The following SCNN1A variants were observed in gnomAD, a reference collection of about 807,000 sequenced individuals.
The protein encoded by SCNN1A is epithelial sodium channel subunit alpha.
SCNN1A carries 65 observed loss-of-function variants against 68.6 expected under a neutral mutation model. That is an observed-to-expected ratio of 0.95 (90% CI 0.78 to 1.16). SCNN1A has a LOEUF of 1.16. Ranked by LOEUF, SCNN1A falls within the 50% of genes most tolerant of loss-of-function variation. The pLI is 0.00. For synonymous variants in SCNN1A, 357 were observed against 353.3 expected (o/e 1.01, Z -0.12); for missense variants, 880 against 865.9 (o/e 1.02, Z -0.20).
chr12:6,354,409 G>A (rs1386140862), intron 8 of SCNN1A, 29 bp downstream of exon 8: 1 of 1,479,264 alleles, frequency 6.8e-7, no homozygotes, highest in Non-Finnish European at 9.4e-7. Context: ...GGGTCAGTGG[G>A]GCAGGGTGGG....
intron 4 of SCNN1A, among the ~76,000 whole-genome samples, chr12:6,357,173 C>G (rs1299607929): frequency 6.6e-6 from 1 of 152,082 alleles, no homozygotes; most frequent in Non-Finnish European, 1.5e-5. Context: ...GCCCTTCGCA[C>G]ACAGAGAGGG....
In SCNN1A at chr12:6,374,737, G is replaced by A. The variant is rs1335280234; in HGVS notation, c.47C>T (p.Ser16Phe). The part of the protein sequence containing the change: ...LEEQDSSPPQ[S>F]TPGLMKGNKR... ...GTTCCCCTTCATGAGCCCTGGAGTG[G>A]ACTGTGGAGGGCTAGAGTCCTGCTC... The change falls in exon 2 of 13, where the codon TCC becomes TTC. Residue 16 changes from serine (S) to phenylalanine (F), a missense_variant. This residue lies in a region of SCNN1A where 77 missense variants were observed against 67.4 expected (regional missense o/e 1.14). Transcript: ENST00000228916. The surrounding 1 kb of genome is among the most constrained non-coding windows in gnomAD (Gnocchi z 6.2). 6.2e-7 allele frequency: 1 copy of A among 1,614,048 alleles called. No homozygotes were observed. The highest frequency in any genetic ancestry group is 8.5e-7 in the Non-Finnish European group (1 of 1,180,038).
At position 6,355,340 on chromosome 12, in the gene SCNN1A, G is replaced by T. The variant is rs767336946; in HGVS notation, c.1075C>A (p.Pro359Thr). 3.7e-6 allele frequency: 6 copies of T among 1,613,958 alleles called. No individual in the cohort carries two copies. In the East Asian group the frequency reaches 1.1e-4, roughly 30 times the overall value. Residue 359 changes from proline to threonine, a missense_variant, in exon 6 of 13, where the codon CCT becomes ACT. Pro to Thr is a conservative substitution (Grantham distance 38). This residue lies in a region of SCNN1A where 758 missense variants were observed against 721.8 expected (regional missense o/e 1.05). Transcript: ENST00000228916. ...ARVMVHGQDE[P>T]AFMDDGGFNL... ...AAGCCACCATCATCCATAAAGGCAG[G>T]TTCATCCTGCCCGTGCACCATTACC...
Position 6,348,118 on chromosome 12 carries a change from G to A in SCNN1A, c.1765C>T (p.Arg589Ter). The A allele has an allele frequency of 4.3e-6, 7 of 1,614,126 alleles. No individual in the cohort carries two copies. The highest frequency in any genetic ancestry group is 2.2e-5 in the South Asian group (2 of 91,086). The change falls in exon 13 of 13, where the codon CGA becomes TGA. Residue 589 changes from arginine (R) to a stop codon, truncating the protein, a stop_gained. Transcript: ENST00000228916. LOFTEE classifies it low-confidence loss of function (END_TRUNC). ...CGGCCTGGAGACCAGTATCGGCTTC[G>A]GAACCTTCGGAGCAGCATGAGGAAC... The part of the protein sequence containing the change: ...IMFLMLLRRF[R>*]SRYWSPGRGG...
intron 4 of SCNN1A, 46 bp downstream of exon 4, chr12:6,362,005 G>T (rs1324433487): frequency 6.2e-7 from 1 of 1,600,576 alleles, no homozygotes; most frequent in East Asian, 2.2e-5. Context: ...CTGACCCAGG[G>T]AAGCGGACCC....
At chr12:6,366,890 T>A (rs1018486778) in intron 2 of SCNN1A, among the ~76,000 whole-genome samples, 2 of 151,960 alleles carry the variant, frequency 1.3e-5, no homozygotes, top group Admixed American at 6.6e-5. Flanking sequence ...CTCAAAGGTG[T>A]GTTGAAGGTG....
intron 2 of SCNN1A, among the ~76,000 whole-genome samples, chr12:6,367,666 A>T (rs1245733999): frequency 6.6e-6 from 1 of 152,230 alleles, no homozygotes; most frequent in African/African-American, 2.4e-5. Context: ...GGGAGTGTTC[A>T]ACATCTCGAC....
intron 4 of SCNN1A, among the ~76,000 whole-genome samples, chr12:6,360,163 A>G (rs1286635962): frequency 2.0e-5 from 3 of 152,262 alleles, no homozygotes; most frequent in Admixed American, 1.3e-4. Context: ...TGAAGTACAA[A>G]GGTTCCTGTA....
intron 3 of SCNN1A, among the ~76,000 whole-genome samples, chr12:6,362,808 T>C (rs1471582592): frequency 6.6e-6 from 1 of 150,560 alleles, no homozygotes; most frequent in Non-Finnish European, 1.5e-5. Context: ...GCCTCCTAAG[T>C]AGCTGGAACT....
At chr12:6,352,442 G>C (rs1948404014) in intron 8 of SCNN1A, among the ~76,000 whole-genome samples, 1 of 152,298 alleles carries the variant, frequency 6.6e-6, no homozygotes, top group South Asian at 2.1e-4. Context: ...GTAAGCCCTA[G>C]GAAATGCAAC....
In SCNN1A at chr12:6,359,809, C is replaced by T. The variant is rs539827591; in HGVS notation, c.875+2242G>A. On this transcript the variant is annotated intron_variant, in intron 4 of 12. Transcript: ENST00000228916. ...TTTTTCAGATGGAGTCTTGCTCTGTCGCCCAGGCTGGAGTGCAGTGGTGCG... is the reference window on the plus strand; with the variant it reads ...TTTTTCAGATGGAGTCTTGCTCTGTTGCCCAGGCTGGAGTGCAGTGGTGCG... 4.0e-4 allele frequency among the ~76,000 whole-genome samples: 53 copies of T among 131,040 alleles called. 1 individual carries two copies. Among genetic ancestry groups the T allele is most frequent in the African/African-American group, 5.6e-4 (19 of 34,210 alleles). The allele number at this position is 131,040 out of a possible 152,430, so 86.0% of individuals were successfully genotyped here. A position where few individuals can be genotyped will look rare whatever the true frequency, so the allele number is the denominator to read the frequency against.
chr12:6,365,272 C>T (rs546405327), intron 2 of SCNN1A, among the ~76,000 whole-genome samples: 3 of 152,278 alleles, frequency 2.0e-5, no homozygotes, highest in African/African-American at 7.2e-5. Context: ...CAGCCTCAGC[C>T]TCCTAAAGTG....
chr12:6,374,806 G>A lies in SCNN1A; in HGVS notation c.-23C>T, dbSNP rs377074479. 1.9e-6 allele frequency: 3 copies of A among 1,614,020 alleles called. No individual in the cohort carries two copies. The highest frequency in any genetic ancestry group is 2.7e-5 in the African/African-American group (2 of 74,980). On this transcript the variant is annotated 5_prime_UTR_variant, in exon 2 of 13. Coordinates refer to ENST00000228916, the MANE Select transcript of SCNN1A (RefSeq NM_001038.6). The surrounding 1 kb of genome is among the most constrained non-coding windows in gnomAD (Gnocchi z 6.2). ...CATGAGACCTGGTATGGGCTGCAGA[G>A]GTCTAGGGTCCTGCTCCTCCAGCTT...
chr12:6,356,827 C>T (rs543632569), intron 4 of SCNN1A, among the ~76,000 whole-genome samples: 7 of 152,240 alleles, frequency 4.6e-5, no homozygotes, highest in Admixed American at 2.0e-4. Flanking sequence ...AAGGGGACTT[C>T]GGCCAGTGAG....
upstream of SCNN1A, among the ~76,000 whole-genome samples, chr12:6,376,683 A>G (rs1375858448): frequency 6.6e-6 from 1 of 152,228 alleles, no homozygotes; most frequent in Admixed American, 6.5e-5. Flanking sequence ...GGAGGGTCAG[A>G]GAATCAGACC....
intron 3 of SCNN1A, 101 bp from the exon 4 acceptor site, chr12:6,362,342 A>G: frequency 9.4e-7 from 1 of 1,066,224 alleles, no homozygotes. Context: ...CTGAGGACTG[A>G]CGGACAGGAG....
rs397850777 is a variant in SCNN1A, at chr12:6,369,833, C to CAAAA, written c.416+4531_416+4534dup. Among the ~76,000 whole-genome samples the CAAAA allele has an allele frequency of 2.1e-3, 192 of 93,594 alleles. 1 individual carries two copies. In the East Asian group the frequency reaches 0.024, roughly 12 times the overall value. 61.4% of individuals were successfully genotyped at this position (93,594 alleles called of 152,430 possible). A position where few individuals can be genotyped will look rare whatever the true frequency, so the allele number is the denominator to read the frequency against. On this transcript the variant is annotated intron_variant, in intron 2 of 12. Coordinates refer to ENST00000228916, the MANE Select transcript of SCNN1A (RefSeq NM_001038.6). ...TGGGCAACAGTGCAAGACTCTGTCT[C>CAAAA]AAAAAAAAAAAAAAAAAAAAAATCT...
intron 2 of SCNN1A, among the ~76,000 whole-genome samples, chr12:6,369,298 C>G (rs547461750): frequency 5.1e-5 from 7 of 137,146 alleles, no homozygotes; most frequent in Non-Finnish European, 1.0e-4. Flanking sequence ...CCCTACTCAC[C>G]TCCCTCCTGC....
intron 3 of SCNN1A, 132 bp from the exon 4 acceptor site, chr12:6,362,373 A>T: frequency 2.5e-6 from 2 of 807,070 alleles, no homozygotes; most frequent in Non-Finnish European, 4.3e-6. Context: ...GGAGTGGGGA[A>T]AGACAGAAGT....
Sources: gnomAD v4.1 joint callset for allele counts (sites outside exome capture counted in the v4.1 genomes callset) on GRCh38, gnomAD v4.1.1 for gene constraint, gnomAD v4.1.1 regional missense constraint, Gnocchi (gnomAD v3.1) non-coding constraint, MANE v1.5 for transcripts, NCBI Gene and HGNC (gene_info 2026-07-23, HGNC 2026-07-21) for gene names.